The following EHMT1 variants were observed in gnomAD, a reference collection of about 807,000 sequenced individuals.
EHMT1 encodes the protein histone-lysine N-methyltransferase EHMT1.
EHMT1 carries 15 observed loss-of-function variants against 147.2 expected under a neutral mutation model. That is an observed-to-expected ratio of 0.10 (90% CI 0.07 to 0.16). EHMT1 has a LOEUF of 0.16. Among genes scored for constraint, EHMT1 ranks in the 10% least tolerant of loss-of-function variants. EHMT1 has a pLI of 1.00. For synonymous variants in EHMT1, 795 were observed against 709.6 expected (o/e 1.12, Z -1.91); for missense variants, 1,587 against 1,772.4 (o/e 0.90, Z 1.88).
At chr9:137,717,828 C>G (rs927453901) in intron 3 of EHMT1, among the ~76,000 whole-genome samples, 2 of 152,332 alleles carry the variant, frequency 1.3e-5, no homozygotes, top group East Asian at 3.9e-4. Context: ...AGCCCTGACC[C>G]TGTTTCATTG....
At chr9:137,803,613 T>C (rs1953681488) in intron 18 of EHMT1, among the ~76,000 whole-genome samples, 1 of 152,184 alleles carries the variant, frequency 6.6e-6, no homozygotes, top group Admixed American at 6.5e-5. Context: ...TGAATACTCA[T>C]GCCTTCATTT....
At chr9:137,740,300 G>A (rs776270568) in intron 4 of EHMT1, among the ~76,000 whole-genome samples, 58 of 152,226 alleles carry the variant, frequency 3.8e-4, no homozygotes, top group Admixed American at 9.8e-4. Flanking sequence ...GTCTTTGCTC[G>A]GGGTCCTGAA....
At chr9:137,721,620 C>T (rs1298612399) in intron 3 of EHMT1, among the ~76,000 whole-genome samples, 4 of 138,720 alleles carry the variant, frequency 2.9e-5, no homozygotes, top group Non-Finnish European at 4.7e-5. Context: ...CATCTCTCAC[C>T]CTCATCCTCT....
chr9:137,752,482 T>C, intron 7 of EHMT1, 74 bp downstream of exon 7: 2 of 1,540,094 alleles, frequency 1.3e-6, no homozygotes, highest in Non-Finnish European at 1.8e-6. Flanking sequence ...CCTTCAGTTC[T>C]TTACCCAACA....
intron 8 of EHMT1, 48 bp from the exon 9 acceptor site, chr9:137,757,832 C>T (rs533606910): frequency 9.9e-6 from 16 of 1,610,552 alleles, no homozygotes; most frequent in East Asian, 4.5e-5. Context: ...TGGGTGGGTG[C>T]GGCCGCCTGG....
At chr9:137,725,275 G>A (rs538617403) in intron 3 of EHMT1, among the ~76,000 whole-genome samples, 50 of 150,570 alleles carry the variant, frequency 3.3e-4, no homozygotes, top group African/African-American at 1.0e-3. Flanking sequence ...TGTGGCATTC[G>A]TTGGGCAGAC....
chr9:137,673,575 G>C (rs1419945015), intron 1 of EHMT1, among the ~76,000 whole-genome samples: 1 of 152,128 alleles, frequency 6.6e-6, no homozygotes, highest in Non-Finnish European at 1.5e-5. Context: ...TCATGTCTGT[G>C]TCCCTCCCTC....
intron 1 of EHMT1, chr9:137,646,384 C>A: frequency 1.0e-6 from 1 of 985,520 alleles, no homozygotes; most frequent in Non-Finnish European, 1.2e-6. Context: ...GGGCAAGAAT[C>A]CTGTGACCAC....
intron 1 of EHMT1, among the ~76,000 whole-genome samples, chr9:137,658,351 A>G (rs940120636): frequency 3.3e-5 from 5 of 152,100 alleles, no homozygotes; most frequent in Non-Finnish European, 7.3e-5. Flanking sequence ...GGGTTTCACC[A>G]TAGTGGCCTG....
chr9:137,661,575 G>A (rs1358116649), intron 1 of EHMT1, among the ~76,000 whole-genome samples: 2 of 140,504 alleles, frequency 1.4e-5, no homozygotes, highest in South Asian at 2.3e-4. Context: ...AACCTCCACC[G>A]CCTGAGTTCC....
At chr9:137,774,706 C>T (rs55772424) in intron 10 of EHMT1, among the ~76,000 whole-genome samples, 1 of 131,706 alleles carries the variant, frequency 7.6e-6, no homozygotes, top group Non-Finnish European at 1.6e-5. Flanking sequence ...GCACGCCTGC[C>T]CCCTGGATCT....
chr9:137,740,394 C>A (rs2135993018), intron 4 of EHMT1, among the ~76,000 whole-genome samples: 1 of 152,140 alleles, frequency 6.6e-6, no homozygotes, highest in East Asian at 1.9e-4. Flanking sequence ...GGCCCCGCTT[C>A]TTTGAGGCCT....
At chr9:137,652,195 A>T (rs10867039) in intron 1 of EHMT1, among the ~76,000 whole-genome samples, 25,995 of 152,030 alleles carry the variant, frequency 0.17, 2,465 homozygotes, top group Admixed American at 0.3. Flanking sequence ...TGGAGGTGGG[A>T]GACGGTGATA....
chr9:137,702,794 C>T (rs926698181), intron 1 of EHMT1, among the ~76,000 whole-genome samples: 6 of 152,236 alleles, frequency 3.9e-5, no homozygotes, highest in Non-Finnish European at 5.9e-5. Flanking sequence ...GTGGGGGCTT[C>T]GCCCCTGCAG....
intron 25 of EHMT1, among the ~76,000 whole-genome samples, chr9:137,824,351 TG>T (rs1213922349): frequency 4.6e-5 from 7 of 152,368 alleles, no homozygotes; most frequent in African/African-American, 1.4e-4. Context: ...GTCTGGACCA[TG>T]TTTTGTTCCT....
intron 1 of EHMT1, among the ~76,000 whole-genome samples, chr9:137,667,675 C>CA (rs1227460026): frequency 1.3e-5 from 2 of 151,664 alleles, no homozygotes; most frequent in Non-Finnish European, 1.5e-5. Context: ...GAATAGGGGA[C>CA]AAAAAAATAA....
At chr9:137,816,507 C>G (rs1025888528) in intron 23 of EHMT1, 28 of 293,664 alleles carry the variant, frequency 9.5e-5, no homozygotes, top group African/African-American at 4.6e-4. Flanking sequence ...CTCCTTGTTC[C>G]TGGGTTGCTC....
At chr9:137,703,295 A>G (rs1465476677) in intron 1 of EHMT1, among the ~76,000 whole-genome samples, 1 of 152,180 alleles carries the variant, frequency 6.6e-6, no homozygotes, top group East Asian at 1.9e-4. Context: ...TCCTCATGCA[A>G]ATTTCTGTAG....
chr9:137,749,913 C>G (rs1002391742), intron 6 of EHMT1, among the ~76,000 whole-genome samples: 5 of 152,248 alleles, frequency 3.3e-5, no homozygotes, highest in Non-Finnish European at 7.3e-5. Context: ...AGGGTTAGAA[C>G]ATTTCGATGG....
Sources: allele counts gnomAD v4.1 joint callset (sites outside exome capture counted in the v4.1 genomes callset), GRCh38; gene constraint gnomAD v4.1.1; transcripts MANE v1.5; gene names NCBI Gene and HGNC (gene_info 2026-07-23, HGNC 2026-07-21).